PPME1: variants seen among roughly 807,000 people sequenced by gnomAD.
PPME1 encodes testicular secretory protein Li 39.
PPME1 carries 17 observed loss-of-function variants against 56.9 expected under a neutral mutation model. The observed-to-expected ratio is 0.30, with a 90% CI of 0.20 to 0.45. PPME1 has a LOEUF of 0.45. Among genes scored for constraint, PPME1 ranks in the 20% least tolerant of loss-of-function variants. The probability of loss-of-function intolerance (pLI) is 1.00; values close to 1 mark genes in which losing one functional copy is unlikely to be tolerated. For missense variants in PPME1, 357 were observed against 483.2 expected, an observed-to-expected ratio of 0.74 and a Z score of 2.45; for synonymous variants, 122 against 156.2, an observed-to-expected ratio of 0.78 and a Z score of 1.63.
intron 1 of PPME1, among the ~76,000 whole-genome samples, chr11:74,182,935 T>C (rs547788817): frequency 1.3e-5 from 2 of 151,522 alleles, no homozygotes; most frequent in East Asian, 3.9e-4. Context: ...GGTGGGAGGA[T>C]TGCTTGAGCT....
chr11:74,237,955 A>G (rs1859238485), intron 8 of PPME1: 1 of 152,218 alleles, frequency 6.6e-6, no homozygotes, highest in South Asian at 2.1e-4. Context: ...TACATGGCAT[A>G]TATGCAGATA....
chr11:74,176,151 G>A (rs1857395562), intron 1 of PPME1, among the ~76,000 whole-genome samples: 1 of 152,212 alleles, frequency 6.6e-6, no homozygotes, highest in South Asian at 2.1e-4. Flanking sequence ...ATAGCTAGTA[G>A]ATAATTATAC....
intron 1 of PPME1, among the ~76,000 whole-genome samples, chr11:74,175,570 A>G (rs1246562613): frequency 6.6e-6 from 1 of 151,806 alleles, no homozygotes; most frequent in Non-Finnish European, 1.5e-5. Flanking sequence ...TGCAAGAGAT[A>G]GAGTCTTGCT....
chr11:74,205,250 A>G (rs1044265130), intron 3 of PPME1: 4 of 152,200 alleles, frequency 2.6e-5, no homozygotes, highest in Admixed American at 2.6e-4. Context: ...GAAGTAAATA[A>G]TATTTGGCTA....
intron 11 of PPME1, chr11:74,250,140 CAGA>C (rs922146069): frequency 2.6e-5 from 4 of 152,054 alleles, no homozygotes; most frequent in Admixed American, 6.6e-5. Context: ...ATGTAATGAC[CAGA>C]AGAACTTTCA....
chr11:74,184,615 G>A (rs7127358), intron 1 of PPME1, among the ~76,000 whole-genome samples: 15,845 of 152,078 alleles, frequency 0.1, 2,159 homozygotes, highest in African/African-American at 0.32. Context: ...AAATCTTCAC[G>A]CCAGATATCA....
intron 1 of PPME1, among the ~76,000 whole-genome samples, chr11:74,193,216 G>A (rs900869713): frequency 4.6e-5 from 7 of 152,236 alleles, no homozygotes; most frequent in African/African-American, 1.7e-4. Flanking sequence ...TTAGTAACGT[G>A]TAAGTTCAAT....
chr11:74,253,480 G>C lies in PPME1; in HGVS notation c.1143-12G>C, dbSNP rs576628052. On this transcript the variant is annotated splice_polypyrimidine_tract_variant and intron_variant, in intron 13 of 13. Coordinates refer to ENST00000328257, the MANE Select transcript of PPME1 (RefSeq NM_016147.3). ...TACATTTGTTTTTCCTTCTCTTTCTGTTCTTCCACAGTGTGTTTCCTGGCT... is the reference window on the plus strand; with the variant it reads ...TACATTTGTTTTTCCTTCTCTTTCTCTTCTTCCACAGTGTGTTTCCTGGCT... 43 of 1,604,908 alleles carry C rather than the reference G, an allele frequency of 2.7e-5. No individual in the cohort carries two copies. The South Asian group carries it at 4.2e-4, about 16-fold the overall frequency.
intron 1 of PPME1, among the ~76,000 whole-genome samples, chr11:74,198,473 A>G (rs978301943): frequency 6.6e-6 from 1 of 151,302 alleles, no homozygotes; most frequent in Non-Finnish European, 1.5e-5. Context: ...TGTTTGTTTG[A>G]TTTTTGGAGA....
intron 11 of PPME1, chr11:74,248,680 C>T (rs1053182238): frequency 2.0e-5 from 3 of 152,002 alleles, no homozygotes; most frequent in East Asian, 1.9e-4. Flanking sequence ...TGTCTAAGCC[C>T]GTAATTACCA....
At chr11:74,176,519 A>G (rs971157745) in intron 1 of PPME1, among the ~76,000 whole-genome samples, 2 of 151,774 alleles carry the variant, frequency 1.3e-5, no homozygotes, top group African/African-American at 4.8e-5. Context: ...CAATTCAGTG[A>G]TTTTTGGTAT....
At chr11:74,181,445 A>G (rs1412151817) in intron 1 of PPME1, among the ~76,000 whole-genome samples, 1 of 152,116 alleles carries the variant, frequency 6.6e-6, no homozygotes, top group Non-Finnish European at 1.5e-5. Flanking sequence ...ACCTATAACA[A>G]TTTTGGCATC....
intron 1 of PPME1, among the ~76,000 whole-genome samples, chr11:74,172,006 G>T (rs1857256604): frequency 6.6e-6 from 1 of 152,166 alleles, no homozygotes; most frequent in Non-Finnish European, 1.5e-5. Flanking sequence ...AAAGCTGAGG[G>T]GGGTAGAAAA....
intron 1 of PPME1, among the ~76,000 whole-genome samples, chr11:74,191,165 G>A (rs1008178978): frequency 4.6e-5 from 7 of 152,110 alleles, no homozygotes; most frequent in Non-Finnish European, 8.8e-5. Flanking sequence ...GTGAGACTTC[G>A]TTTCTACTAA....
intron 3 of PPME1, among the ~76,000 whole-genome samples, chr11:74,218,526 C>A (rs1218945753): frequency 6.6e-6 from 1 of 152,140 alleles, no homozygotes; most frequent in African/African-American, 2.4e-5. Flanking sequence ...ACAACCAGAG[C>A]AGCATGGTAC....
Position 74,186,509 on chromosome 11 carries a change from A to C in PPME1, c.101+14987A>C, listed in dbSNP as rs1401773102. On this transcript the variant is annotated intron_variant, in intron 1 of 13. Transcript: ENST00000328257. ...TCCCATGGTCTTAGACAAGTTATTT[A>C]AACTCCATTGGCCTTAGTTTTCTCG... Among the ~76,000 whole-genome samples the C allele has an allele frequency of 2.0e-5, 3 of 152,178 alleles. No homozygotes were observed. The East Asian group carries it at 5.8e-4, about 29-fold the overall frequency.
At chr11:74,181,202 G>A (rs1023367523) in intron 1 of PPME1, among the ~76,000 whole-genome samples, 7 of 151,508 alleles carry the variant, frequency 4.6e-5, no homozygotes, top group Admixed American at 2.6e-4. Flanking sequence ...CTGCCACCGC[G>A]CCCGGCTAAT....
chr11:74,211,032 G>GT (rs1325692648), intron 3 of PPME1, among the ~76,000 whole-genome samples: 77 of 152,214 alleles, frequency 5.1e-4, no homozygotes, highest in Non-Finnish European at 7.6e-4. Flanking sequence ...TTAAAAATCT[G>GT]TTTTTTCTAA....
chr11:74,190,301 T>G (rs1350122156), intron 1 of PPME1, among the ~76,000 whole-genome samples: 4 of 152,186 alleles, frequency 2.6e-5, no homozygotes, highest in Non-Finnish European at 5.9e-5. Flanking sequence ...TGGGGGCAGA[T>G]CCCTTATGAA....
Sources: allele counts gnomAD v4.1 joint callset (sites outside exome capture counted in the v4.1 genomes callset), GRCh38; gene constraint gnomAD v4.1.1; transcripts MANE v1.5; gene names NCBI Gene and HGNC (gene_info 2026-07-23, HGNC 2026-07-21).